CAPN14: variants seen among roughly 807,000 people sequenced by gnomAD.
CAPN14 encodes calpain 14.
In CAPN14, 94 loss-of-function variants were observed where a neutral mutation model predicts 101.3. The observed-to-expected ratio is 0.93, with a 90% confidence interval of 0.79 to 1.10. The LOEUF is 1.10. Among genes scored for constraint, CAPN14 ranks in the 50% least tolerant of loss-of-function variants. CAPN14 has a pLI of 0.00. For synonymous variants in CAPN14, 338 were observed against 317.9 expected, an observed-to-expected ratio of 1.06 and a Z score of -0.67; for missense variants, 837 against 828.4, an observed-to-expected ratio of 1.01 and a Z score of -0.13.
At chr2:31,218,851 T>G (rs1281131079), upstream of CAPN14, among the ~76,000 whole-genome samples, 1 of 152,208 alleles carries the variant, frequency 6.6e-6, no homozygotes, top group Non-Finnish European at 1.5e-5. Flanking sequence ...CTTCCTGAGC[T>G]AAACGCTCTT....
At chr2:31,177,571 G>T (rs915815792) in intron 19 of CAPN14, among the ~76,000 whole-genome samples, 175 bp downstream of exon 19, 2 of 152,320 alleles carry the variant, frequency 1.3e-5, no homozygotes, top group Admixed American at 1.3e-4. Context: ...ATCAATGTTG[G>T]CTAGGATCAC....
chr2:31,184,029 G>A lies in CAPN14; in HGVS notation c.1645+2399C>T, dbSNP rs74542228. ...CCTGAGTAGCTGGGATTACAGGAGC[G>A]CGCCACCACATCTGGCTAATTTTTC... On this transcript the variant is annotated intron_variant, in intron 16 of 21. Transcript: ENST00000403897. Among the ~76,000 whole-genome samples the A allele has an allele frequency of 5.2e-4, 79 of 152,110 alleles. No homozygotes were observed. The East Asian group carries it at 8.3e-3, about 16-fold the overall frequency.
intron 1 of CAPN14, among the ~76,000 whole-genome samples, chr2:31,207,780 A>G (rs77347237): frequency 0.036 from 5,437 of 152,274 alleles, 103 homozygotes; most frequent in Non-Finnish European, 0.043. Context: ...AAGAAGTTAG[A>G]TTCAACAAAA....
At chr2:31,191,332 C>T in intron 12 of CAPN14, 67 bp downstream of exon 12, 1 of 1,461,370 alleles carries the variant, frequency 6.8e-7, no homozygotes, top group South Asian at 1.3e-5. Context: ...TAACTAAATC[C>T]TGTGGAGGCT....
At chr2:31,227,492 C>T (rs1683060689) in intron 1 of CAPN14, among the ~76,000 whole-genome samples, 2 of 152,142 alleles carry the variant, frequency 1.3e-5, no homozygotes, top group Non-Finnish European at 1.5e-5. Flanking sequence ...TCCTTGTGCA[C>T]GTTCAGTACT....
At chr2:31,227,948 G>A (rs1374547948) in intron 1 of CAPN14, among the ~76,000 whole-genome samples, 2 of 152,218 alleles carry the variant, frequency 1.3e-5, no homozygotes, top group Admixed American at 6.5e-5. Flanking sequence ...CAGCTCTTCA[G>A]AGGGCGGACC....
intron 2 of CAPN14, among the ~76,000 whole-genome samples, chr2:31,204,308 A>G (rs1681957965): frequency 6.6e-6 from 1 of 152,172 alleles, no homozygotes; most frequent in South Asian, 2.1e-4. Context: ...TGATATTGTG[A>G]AATATATATT....
chr2:31,192,207 C>T lies in CAPN14; in HGVS notation c.1115-109G>A, dbSNP rs937317364. 10 of 1,250,704 alleles carry T rather than the reference C, an allele frequency of 8.0e-6. No homozygotes were observed. In the African/African-American group the frequency reaches 1.4e-4, roughly 17 times the overall value. The allele number at this position is 1,250,704 out of a possible 1,614,324, so 77.5% of individuals were successfully genotyped here. A position where few individuals can be genotyped will look rare whatever the true frequency, so the allele number is the denominator to read the frequency against. On this transcript the variant is annotated intron_variant, in intron 10 of 21. Coordinates refer to ENST00000403897, the MANE Select transcript of CAPN14 (RefSeq NM_001145122.2). The stretch of plus-strand genomic sequence containing the variant: ...GAGGACGCCTCTGCCAGGATTGACA[C>T]CCTGAGGCCCACTGGGACAGAGTCG...
chr2:31,174,748 C>T (rs1680210976), intron 21 of CAPN14, 41 bp from the exon 22 acceptor site: 1 of 1,549,052 alleles, frequency 6.5e-7, no homozygotes, highest in African/African-American at 1.4e-5. Context: ...AGTTCAGACC[C>T]ACGTCTCATC....
At chr2:31,205,579 G>T in intron 1 of CAPN14, 80 bp from the exon 2 acceptor site, 4 of 737,966 alleles carry the variant, frequency 5.4e-6, no homozygotes, top group South Asian at 5.2e-5. Context: ...GGGAAGGATG[G>T]AGAGAATGGG....
At chr2:31,191,434 A>G (rs1463152807) in intron 11 of CAPN14, 27 bp from the exon 12 acceptor site, 1 of 1,528,528 alleles carries the variant, frequency 6.5e-7, no homozygotes, top group Non-Finnish European at 8.8e-7. Context: ...AAAACAGAAA[A>G]AAAAAAAAAA....
chr2:31,233,387 G>T (rs1321931547), intron 1 of CAPN14, among the ~76,000 whole-genome samples: 1 of 152,128 alleles, frequency 6.6e-6, no homozygotes, highest in Non-Finnish European at 1.5e-5. Flanking sequence ...CATCATTTAG[G>T]ATCCAGCTTA....
In CAPN14 at chr2:31,205,324, A is replaced by G. The variant is rs1558629475; in HGVS notation, c.124T>C (p.Cys42Arg). 5.8e-6 allele frequency: 9 copies of G among 1,551,084 alleles called. No individual in the cohort carries two copies. Among genetic ancestry groups the G allele is most frequent in the Non-Finnish European group, 7.0e-6 (8 of 1,146,972 alleles). The change falls in exon 2 of 22, where the codon TGC becomes CGC. Residue 42 changes from cysteine (C) to arginine (R), a missense_variant. By Grantham distance (180) the Cys-to-Arg change is radical. Coordinates refer to ENST00000403897, the MANE Select transcript of CAPN14 (RefSeq NM_001145122.2). ...GGGAAGCTGGTGTCTTCAAAGAGGC[A>G]GCCATTCCTCAGGCACTCTGCCAGC... is the stretch of plus-strand genomic sequence containing the variant. ...ALLAECLRNG[C>R]LFEDTSFPAT...
chr2:31,192,130 C>T (rs1310684565), intron 10 of CAPN14, 32 bp from the exon 11 acceptor site: 4 of 1,510,528 alleles, frequency 2.6e-6, no homozygotes, highest in Admixed American at 2.1e-5. Context: ...TGAGAATGGG[C>T]CCCGGATCCC....
chr2:31,194,465 C>G lies in CAPN14; in HGVS notation c.894G>C (p.Leu298=), dbSNP rs1395263835. 2 of 1,551,346 alleles carry G rather than the reference C, an allele frequency of 1.3e-6. No homozygotes were observed. Among genetic ancestry groups the G allele is most frequent in the Middle Eastern group, 3.3e-4 (2 of 5,992 alleles). The change falls in exon 9 of 22, where the codon CTG becomes CTC. Residue 298 remains leucine, a synonymous_variant. Coordinates refer to ENST00000403897, the MANE Select transcript of CAPN14 (RefSeq NM_001145122.2). ...GCAGAATCTTCTCCTTGGGGCTCAG[C>G]AGCTCCCATTTACTTGAACTGAAAA... ...DWSDSSSKWE[L]LSPKEKILLL...
chr2:31,175,047 G>A (rs531297039), intron 21 of CAPN14, among the ~76,000 whole-genome samples: 26 of 152,182 alleles, frequency 1.7e-4, no homozygotes, highest in Middle Eastern at 3.4e-3. Context: ...TATTCTACAC[G>A]TTTACATTTA....
chr2:31,179,575 G>A (rs924917849), intron 17 of CAPN14, among the ~76,000 whole-genome samples: 3 of 152,080 alleles, frequency 2.0e-5, no homozygotes, highest in Admixed American at 2.0e-4. Context: ...TAATCCTTTG[G>A]GTATATACCC....
At chr2:31,195,615 G>A (rs1208709180) in intron 8 of CAPN14, among the ~76,000 whole-genome samples, 2 of 152,166 alleles carry the variant, frequency 1.3e-5, no homozygotes, top group Non-Finnish European at 2.9e-5. Context: ...GGGATTACAG[G>A]TGTGAGTCAC....
intron 8 of CAPN14, 132 bp downstream of exon 8, chr2:31,197,117 G>A (rs1681504835): frequency 3.3e-6 from 2 of 606,532 alleles, no homozygotes; most frequent in East Asian, 5.8e-5. Context: ...GAGGGATTGA[G>A]CTTCCCCGTC....
Sources: gnomAD v4.1 joint callset for allele counts (sites outside exome capture counted in the v4.1 genomes callset) on GRCh38, gnomAD v4.1.1 for gene constraint, MANE v1.5 for transcripts, NCBI Gene and HGNC (gene_info 2026-07-23, HGNC 2026-07-21) for gene names.